The following RIMBP2 variants were observed in gnomAD, a reference collection of about 807,000 sequenced individuals.
The protein encoded by RIMBP2 is RIMS-binding protein 2.
A neutral mutation model predicts 118.6 loss-of-function variants in RIMBP2; 48 were observed. The observed-to-expected ratio is 0.40, with a 90% CI of 0.32 to 0.51. The LOEUF (loss-of-function observed/expected upper bound fraction) is 0.51, where lower values mean the gene tolerates loss of function less well. RIMBP2 is among the 20% of genes least tolerant of loss of function. The probability of loss-of-function intolerance (pLI) is 0.41; values close to 1 mark genes in which losing one functional copy is unlikely to be tolerated. For synonymous variants in RIMBP2, 762 were observed against 742.9 expected (o/e 1.03, Z -0.42); for missense variants, 1,551 against 1,768.3 (o/e 0.88, Z 2.20).
intron 4 of RIMBP2, among the ~76,000 whole-genome samples, chr12:130,496,179 A>C (rs1370225157): frequency 6.6e-6 from 1 of 152,166 alleles, no homozygotes; most frequent in Non-Finnish European, 1.5e-5. Flanking sequence ...GTGGGAGATA[A>C]TTGGATCATG....
intron 1 of RIMBP2, among the ~76,000 whole-genome samples, chr12:130,664,431 G>GCACGCACACACACA (rs1458045654): frequency 2.5e-5 from 1 of 39,848 alleles, no homozygotes; most frequent in Non-Finnish European, 8.1e-5. Flanking sequence ...GCACACACAT[G>GCACGCACACACACA]CATGCACGCA....
intron 4 of RIMBP2, among the ~76,000 whole-genome samples, chr12:130,494,123 AC>A (rs1234194971): frequency 6.6e-6 from 1 of 152,172 alleles, no homozygotes; most frequent in Admixed American, 6.5e-5. Context: ...CCTTGTGAGT[AC>A]ATCCCACACT....
intron 2 of RIMBP2, among the ~76,000 whole-genome samples, chr12:130,524,704 G>A (rs1000178912): frequency 1.3e-5 from 2 of 152,224 alleles, no homozygotes; most frequent in African/African-American, 2.4e-5. Context: ...GAAGGGTCAG[G>A]CTGGAGTCAA....
rs1051862856 is a variant in RIMBP2 at position 130,572,868 on chromosome 12, C to T, written c.-216-54951G>A. On this transcript the variant is annotated intron_variant, in intron 2 of 22. Coordinates refer to ENST00000690449, the MANE Select transcript of RIMBP2 (RefSeq NM_001393629.1). ...CCACCAACTCAGGGGACAGGTGGAG[C>T]GAGGCAGGAGCCAGGGTAGGAGCAG... Among the ~76,000 whole-genome samples, 13 of 151,870 alleles carry T rather than the reference C, an allele frequency of 8.6e-5. No homozygotes were observed. The South Asian group carries it at 2.1e-3, about 24-fold the overall frequency.
rs71088765 is a variant in RIMBP2 at position 130,604,291 on chromosome 12, T to TA, written c.-217+24030dup. On this transcript the variant is annotated intron_variant, in intron 2 of 22. Transcript: ENST00000690449. ...AAGAGTCAAAAAGGTTTTTAAAAAG[T>TA]AAAAAAAAAAAAAAAAACCTCACAG... Among the ~76,000 whole-genome samples, 741 of 136,174 alleles carry TA rather than the reference T, an allele frequency of 5.4e-3. 6 individuals carry two copies. The highest frequency in any genetic ancestry group is 0.016 in the African/African-American group (583 of 35,962). The allele number at this position is 136,174 out of a possible 152,430, so 89.3% of individuals were successfully genotyped here. A position where few individuals can be genotyped will look rare whatever the true frequency, so the allele number is the denominator to read the frequency against.
intron 7 of RIMBP2, among the ~76,000 whole-genome samples, chr12:130,452,914 C>G (rs979934497): frequency 6.6e-6 from 1 of 152,154 alleles, no homozygotes; most frequent in Non-Finnish European, 1.5e-5. Context: ...ACGTAATCCC[C>G]GTGGCAGCTT....
intron 14 of RIMBP2, among the ~76,000 whole-genome samples, chr12:130,433,316 C>T (rs1314456365): frequency 6.6e-6 from 1 of 152,222 alleles, no homozygotes. Flanking sequence ...GCGGTGCACA[C>T]AGAGGATGCT....
intron 1 of RIMBP2, among the ~76,000 whole-genome samples, chr12:130,671,282 C>T (rs867960483): frequency 1.6e-4 from 25 of 152,296 alleles, no homozygotes; most frequent in East Asian, 3.9e-4. Flanking sequence ...CCCTTGTTTA[C>T]GCCACCTCAC....
At chr12:130,409,827 G>A (rs542287442) in intron 19 of RIMBP2, among the ~76,000 whole-genome samples, 11 of 152,228 alleles carry the variant, frequency 7.2e-5, no homozygotes, top group East Asian at 5.8e-4. Context: ...TTTGATGACC[G>A]TTGGTCAAAC....
intron 13 of RIMBP2, 149 bp from the exon 14 acceptor site, chr12:130,435,029 C>T (rs2077411479): frequency 1.4e-6 from 1 of 698,362 alleles, no homozygotes; most frequent in Non-Finnish European, 2.3e-6. Context: ...CGCCCTCTCG[C>T]TGCCCCAGAC....
chr12:130,524,665 A>G (rs907640313), intron 2 of RIMBP2, among the ~76,000 whole-genome samples: 1 of 152,228 alleles, frequency 6.6e-6, no homozygotes, highest in Non-Finnish European at 1.5e-5. Flanking sequence ...CACTTGGGAA[A>G]TACTGTCCTG....
rs551298229 is a variant in RIMBP2 at position 130,670,848 on chromosome 12, A to G, written c.-351-42392T>C. 1.3e-5 allele frequency among the ~76,000 whole-genome samples: 2 copies of G among 152,202 alleles called. No individual in the cohort carries two copies. Among genetic ancestry groups the G allele is most frequent in the Admixed American group, 1.3e-4 (2 of 15,294 alleles). On this transcript the variant is annotated intron_variant, in intron 1 of 22. Coordinates refer to ENST00000690449, the MANE Select transcript of RIMBP2 (RefSeq NM_001393629.1). The surrounding 1 kb of genome is among the most constrained non-coding windows in gnomAD (Gnocchi z 4.9). ...GAGTGCAGTGGCGCAATCTCAGCTCACTGCAACCTCTGCCTCCCAGGTTCA... is the reference window on the plus strand; with the variant it reads ...GAGTGCAGTGGCGCAATCTCAGCTCGCTGCAACCTCTGCCTCCCAGGTTCA...
At chr12:130,692,235 A>G (rs888984548) in intron 1 of RIMBP2, among the ~76,000 whole-genome samples, 4 of 151,970 alleles carry the variant, frequency 2.6e-5, no homozygotes, top group Admixed American at 2.0e-4. Context: ...CTGAGATGGC[A>G]CCTTCACCTG....
At position 130,548,122 on chromosome 12, in the gene RIMBP2, T is replaced by G. The variant is rs571404609; in HGVS notation, c.-216-30205A>C. 3.1e-3 allele frequency among the ~76,000 whole-genome samples: 473 copies of G among 151,946 alleles called. 3 individuals carry two copies. The highest frequency in any genetic ancestry group is 0.011 in the African/African-American group (440 of 41,424). ...CTCTCATTCAAAGCATGAACAGGAG[T>G]GACGGAAGACAAGAAGCCCACGACG... On this transcript the variant is annotated intron_variant, in intron 2 of 22. Coordinates refer to ENST00000690449, the MANE Select transcript of RIMBP2 (RefSeq NM_001393629.1).
intron 21 of RIMBP2, among the ~76,000 whole-genome samples, chr12:130,404,630 C>A (rs150965280): frequency 1.3e-5 from 2 of 152,016 alleles, no homozygotes; most frequent in African/African-American, 4.8e-5. Context: ...ATAAAGGATG[C>A]GTAAGAATAA....
intron 2 of RIMBP2, among the ~76,000 whole-genome samples, chr12:130,568,268 G>T (rs538401482): frequency 2.2e-4 from 33 of 152,206 alleles, no homozygotes; most frequent in Non-Finnish European, 3.5e-4. Context: ...CAGCACGGGG[G>T]TGTGGGGGTT....
chr12:130,532,457 A>T (rs1298870818), intron 2 of RIMBP2, among the ~76,000 whole-genome samples: 3 of 149,564 alleles, frequency 2.0e-5, no homozygotes, highest in African/African-American at 5.0e-5. Context: ...GTCTAATGAG[A>T]TGCGTGTGTT....
At chr12:130,646,106 T>C (rs12832122) in intron 1 of RIMBP2, among the ~76,000 whole-genome samples, 8 of 51,158 alleles carry the variant, frequency 1.6e-4, no homozygotes, top group South Asian at 7.1e-4. Flanking sequence ...CACCTCCCTC[T>C]CCACCTCCCT....
chr12:130,555,224 A>G (rs186264658), intron 2 of RIMBP2, among the ~76,000 whole-genome samples: 1 of 152,328 alleles, frequency 6.6e-6, no homozygotes, highest in Admixed American at 6.5e-5. Context: ...GTTGAGATGA[A>G]TCGGGAAAAC....
Sources: gnomAD v4.1 joint callset for allele counts (sites outside exome capture counted in the v4.1 genomes callset) on GRCh38, gnomAD v4.1.1 for gene constraint, Gnocchi (gnomAD v3.1) non-coding constraint, MANE v1.5 for transcripts, NCBI Gene and HGNC (gene_info 2026-07-23, HGNC 2026-07-21) for gene names.